Variants in MSH4 observed in about 807,000 individuals in gnomAD.
The protein encoded by MSH4 is mutS protein homolog 4.
In MSH4, 106 loss-of-function variants were observed where a neutral mutation model predicts 113.7. That is an observed-to-expected ratio of 0.93 (90% CI 0.80 to 1.10). The LOEUF is 1.10. MSH4 is among the 50% of genes least tolerant of loss of function. The pLI, the probability that MSH4 is intolerant of heterozygous loss-of-function variation, is 0.00. For synonymous variants in MSH4, 368 were observed against 380.2 expected, an observed-to-expected ratio of 0.97 and a Z score of 0.37; for missense variants, 1,061 against 1,093.7, an observed-to-expected ratio of 0.97 and a Z score of 0.42.
intron 9 of MSH4, among the ~76,000 whole-genome samples, chr1:75,868,300 A>C (rs1570977393): frequency 6.6e-6 from 1 of 152,166 alleles, no homozygotes; most frequent in East Asian, 1.9e-4. Flanking sequence ...TTTTGTAATT[A>C]ATAAGTTATT....
chr1:75,881,213 C>A, intron 13 of MSH4, 33 bp from the exon 14 acceptor site: 3 of 1,484,900 alleles, frequency 2.0e-6, no homozygotes, highest in Non-Finnish European at 2.7e-6. Context: ...TTTGAAAAAA[C>A]ATTATTACAT....
At chr1:75,877,251 T>A (rs1651835730) in intron 10 of MSH4, among the ~76,000 whole-genome samples, 1 of 152,116 alleles carries the variant, frequency 6.6e-6, no homozygotes, top group Non-Finnish European at 1.5e-5. Context: ...CCAAGCACAA[T>A]TTTAATATTT....
intron 7 of MSH4, among the ~76,000 whole-genome samples, chr1:75,831,759 C>T (rs1291709936): frequency 1.3e-5 from 2 of 152,038 alleles, no homozygotes; most frequent in African/African-American, 4.8e-5. Context: ...CAAAACATAC[C>T]AGAATCTCTG....
intron 8 of MSH4, among the ~76,000 whole-genome samples, chr1:75,861,886 G>C (rs1171620356): frequency 6.6e-6 from 1 of 152,126 alleles, no homozygotes; most frequent in South Asian, 2.1e-4. Flanking sequence ...GTGGAATCTA[G>C]AGAGGCAGTA....
chr1:75,863,376 A>T (rs537265065), intron 8 of MSH4, among the ~76,000 whole-genome samples: 3 of 152,208 alleles, frequency 2.0e-5, no homozygotes, highest in Non-Finnish European at 2.9e-5. Context: ...CCATAGTTTC[A>T]TAGATGCTGA....
intron 2 of MSH4, among the ~76,000 whole-genome samples, chr1:75,804,606 G>A (rs1001096271): frequency 6.8e-6 from 1 of 147,756 alleles, no homozygotes; most frequent in Non-Finnish European, 1.5e-5. Context: ...TGCTTTCCGG[G>A]TTCAAGTGAT....
intron 18 of MSH4, among the ~76,000 whole-genome samples, chr1:75,899,237 A>G (rs1441507050): frequency 1.3e-5 from 2 of 152,182 alleles, no homozygotes; most frequent in Non-Finnish European, 2.9e-5. Context: ...CTGTAGTGTT[A>G]TCCCTGTGAC....
chr1:75,896,969 A>T (rs1161140112), intron 17 of MSH4, among the ~76,000 whole-genome samples: 1 of 152,124 alleles, frequency 6.6e-6, no homozygotes, highest in African/African-American at 2.4e-5. Context: ...TTTTTCTGTC[A>T]TATACAAAAT....
intron 9 of MSH4, among the ~76,000 whole-genome samples, chr1:75,871,059 C>T (rs1025141170): frequency 1.3e-5 from 2 of 152,166 alleles, no homozygotes; most frequent in South Asian, 2.1e-4. Flanking sequence ...TTAATTGACT[C>T]ACAGTTCAGT....
At position 75,822,454 on chromosome 1, in the gene MSH4, T is replaced by C; in HGVS notation, c.1035T>C (p.Pro345=). ...GTGTTCTAAATTATACTAAGACTCC[T>C]GGAGGGAGTAGACGACTTCGTTCTA... The part of the protein sequence containing the change: ...LFGVLNYTKT[P]GGSRRLRSNI... The change falls in exon 7 of 20, where the codon CCT becomes CCC. Residue 345 remains proline (P), a synonymous_variant. Transcript: ENST00000263187. 1 of 1,581,522 alleles carries C rather than the reference T, an allele frequency of 6.3e-7. No individual in the cohort carries two copies. Among genetic ancestry groups the C allele is most frequent in the East Asian group, 2.3e-5 (1 of 43,382 alleles).
At chr1:75,877,349 C>T (rs560029602) in intron 10 of MSH4, among the ~76,000 whole-genome samples, 8 of 151,946 alleles carry the variant, frequency 5.3e-5, no homozygotes, top group Non-Finnish European at 1.2e-4. Context: ...TCTAATGTAA[C>T]AAAAAATAGT....
At chr1:75,901,390 A>G (rs1485795747) in intron 19 of MSH4, among the ~76,000 whole-genome samples, 2 of 152,160 alleles carry the variant, frequency 1.3e-5, no homozygotes, top group Non-Finnish European at 2.9e-5. Context: ...TAGCTCAGGC[A>G]TATGAGTGAG....
Position 75,880,140 on chromosome 1 carries a change from C to A in MSH4, c.1768C>A (p.His590Asn). 1 of 1,544,296 alleles carries A rather than the reference C, an allele frequency of 6.5e-7. No individual in the cohort carries two copies. The highest frequency in any genetic ancestry group is 8.9e-7 in the Non-Finnish European group (1 of 1,122,748). ...CCAAGAATCTTTGAGAGAAATCTATCACATGACTTATATGTAAGAGCATTT... is the reference window on the plus strand; with the variant it reads ...CCAAGAATCTTTGAGAGAAATCTATAACATGACTTATATGTAAGAGCATTT... ...RCQESLREIY[H>N]MTYMIVCKLL... Residue 590 changes from histidine to asparagine, a missense_variant, in exon 13 of 20, where the codon CAC becomes AAC. His to Asn is a moderately conservative substitution (Grantham distance 68). Coordinates refer to ENST00000263187, the MANE Select transcript of MSH4 (RefSeq NM_002440.4).
At chr1:75,838,978 A>G (rs1274348733) in intron 7 of MSH4, among the ~76,000 whole-genome samples, 1 of 152,118 alleles carries the variant, frequency 6.6e-6, no homozygotes, top group Non-Finnish European at 1.5e-5. Context: ...GATAATTCTT[A>G]TATAAGGCTA....
At position 75,841,974 on chromosome 1, in the gene MSH4, T is replaced by C. The variant is rs534276738; in HGVS notation, c.1163-6235T>C. Reference sequence around the variant, plus strand: ...ATTTTGAGCCAAATATGAGTGACCATGGCCCATGAACACAGCCCTCAGGAG... The same window carrying C: ...ATTTTGAGCCAAATATGAGTGACCACGGCCCATGAACACAGCCCTCAGGAG... On this transcript the variant is annotated intron_variant, in intron 7 of 19. Transcript: ENST00000263187. 2.0e-5 allele frequency among the ~76,000 whole-genome samples: 3 copies of C among 152,304 alleles called. No homozygotes were observed. In the South Asian group the frequency reaches 6.2e-4, roughly 32 times the overall value.
chr1:75,871,525 A>T (rs778457605), intron 9 of MSH4, among the ~76,000 whole-genome samples: 1 of 152,236 alleles, frequency 6.6e-6, no homozygotes. Flanking sequence ...AATCAAAGCA[A>T]TACCAATTAA....
Position 75,881,255 on chromosome 1 carries a change from C to A in MSH4, c.1791C>A (p.Cys597Ter), listed in dbSNP as rs1651925358. The A allele has an allele frequency of 1.2e-6, 2 of 1,602,734 alleles. No individual in the cohort carries two copies. The highest frequency in any genetic ancestry group is 8.5e-7 in the Non-Finnish European group (1 of 1,172,170). ...EIYHMTYMIV[C>*]KLLSEIYEHI... ...CCAAACGTGTTTTCAGGATAGTGTG[C>A]AAACTGCTTAGTGAGATTTATGAAC... The change falls in exon 14 of 20, where the codon TGC (cysteine) becomes TGA (stop). Residue 597 changes from cysteine to a stop codon, truncating the protein, a stop_gained. Coordinates refer to ENST00000263187, the MANE Select transcript of MSH4 (RefSeq NM_002440.4). LOFTEE classifies it high-confidence loss of function.
Position 75,828,701 on chromosome 1 carries a change from A to G in MSH4, c.1162+6120A>G, listed in dbSNP as rs183819286. 1.1e-4 allele frequency among the ~76,000 whole-genome samples: 16 copies of G among 152,288 alleles called. No homozygotes were observed. In the South Asian group the frequency reaches 1.5e-3, roughly 14 times the overall value. ...CAAGGGTTCAAAACTATTGGGTACTATGTTTACTATCTGAGTGCTGGATTC... is the reference window on the plus strand; with the variant it reads ...CAAGGGTTCAAAACTATTGGGTACTGTGTTTACTATCTGAGTGCTGGATTC... On this transcript the variant is annotated intron_variant, in intron 7 of 19. Transcript: ENST00000263187.
chr1:75,820,919 C>G (rs1650394431), intron 6 of MSH4, among the ~76,000 whole-genome samples: 1 of 150,736 alleles, frequency 6.6e-6, no homozygotes, highest in Non-Finnish European at 1.5e-5. Flanking sequence ...TACTTAGAGA[C>G]CTACAAAGAG....
Sources: gnomAD v4.1 joint callset for allele counts (sites outside exome capture counted in the v4.1 genomes callset) on GRCh38, gnomAD v4.1.1 for gene constraint, MANE v1.5 for transcripts, NCBI Gene and HGNC (gene_info 2026-07-23, HGNC 2026-07-21) for gene names.